Variants in WLS observed in about 807,000 individuals in gnomAD.
WLS encodes protein wntless homolog.
WLS carries 23 observed loss-of-function variants against 62.8 expected under a neutral mutation model. That is an observed-to-expected ratio of 0.37 (90% CI 0.26 to 0.52). The LOEUF (loss-of-function observed/expected upper bound fraction) is 0.52. Ranked by LOEUF, WLS falls within the 20% of genes least tolerant of loss-of-function variation. The pLI is 0.92. For missense variants in WLS, 615 were observed against 697.3 expected (o/e 0.88, Z 1.33); for synonymous variants, 246 against 244.1 (o/e 1.01, Z -0.07).
intron 2 of WLS, among the ~76,000 whole-genome samples, chr1:68,176,852 G>A (rs1282239522): frequency 6.6e-6 from 1 of 152,192 alleles, no homozygotes; most frequent in Non-Finnish European, 1.5e-5. Context: ...GGACAGTAGA[G>A]ATTTAACCTT....
intron 1 of WLS, among the ~76,000 whole-genome samples, chr1:68,199,341 G>A (rs879751207): frequency 3.9e-5 from 6 of 152,086 alleles, no homozygotes; most frequent in Admixed American, 2.0e-4. Context: ...CACCCTGATT[G>A]GAAATTTCTT....
chr1:68,170,347 T>C (rs1647133524), intron 2 of WLS, among the ~76,000 whole-genome samples: 2 of 151,892 alleles, frequency 1.3e-5, no homozygotes, highest in Non-Finnish European at 1.5e-5. Context: ...TTTGTATTTT[T>C]AGTAGAGACG....
At position 68,137,811 on chromosome 1, in the gene WLS, G is replaced by A. The variant is rs139409633; in HGVS notation, c.1485C>T (p.Ser495=). The A allele has an allele frequency of 1.9e-6, 3 of 1,613,738 alleles. No homozygotes were observed. The African/African-American group carries it at 4.0e-5, about 22-fold the overall frequency. The part of the protein sequence containing the change: ...VFALMFLYAP[S]HKNYGEDQSN... ...ACTGGTCTTCTCCATAGTTTTTATG[G>A]GATGGTGCATACAAGAACATCAGAG... is the stretch of plus-strand genomic sequence containing the variant. Residue 495 remains serine, a synonymous_variant, in exon 11 of 12, where the codon TCC becomes TCT. Transcript: ENST00000262348.
At chr1:68,210,453 G>A (rs1309871933) in intron 1 of WLS, among the ~76,000 whole-genome samples, 1 of 152,198 alleles carries the variant, frequency 6.6e-6, no homozygotes, top group Non-Finnish European at 1.5e-5. Context: ...TGCAGTCATG[G>A]AAGCCAGTTT....
chr1:68,151,544 A>G (rs1037561926), intron 5 of WLS, among the ~76,000 whole-genome samples: 3 of 152,206 alleles, frequency 2.0e-5, no homozygotes, highest in Admixed American at 2.0e-4. Flanking sequence ...TGATGCTTGC[A>G]TAGAGATGGA....
At chr1:68,170,502 A>G (rs1226771615) in intron 2 of WLS, among the ~76,000 whole-genome samples, 1 of 152,058 alleles carries the variant, frequency 6.6e-6, no homozygotes, top group African/African-American at 2.4e-5. Context: ...ACTCAAGGTT[A>G]TCTACACCTG....
intron 11 of WLS, among the ~76,000 whole-genome samples, chr1:68,105,419 T>C (rs190698616): frequency 6.6e-6 from 1 of 152,108 alleles, no homozygotes; most frequent in East Asian, 1.9e-4. Flanking sequence ...TCACTCTTAA[T>C]GGAAAGTCTA....
At chr1:68,194,467 A>C (rs1371969194) in intron 1 of WLS, among the ~76,000 whole-genome samples, 2 of 152,204 alleles carry the variant, frequency 1.3e-5, no homozygotes, top group African/African-American at 4.8e-5. Flanking sequence ...GAAAGAATAC[A>C]TTTGTAACCA....
chr1:68,152,200 T>C (rs1241623719), intron 5 of WLS, among the ~76,000 whole-genome samples: 2 of 152,186 alleles, frequency 1.3e-5, no homozygotes, highest in East Asian at 3.8e-4. Context: ...CATGTGACAT[T>C]TTCAATGCAA....
At chr1:68,216,189 A>G (rs960419542) in intron 1 of WLS, among the ~76,000 whole-genome samples, 3 of 152,224 alleles carry the variant, frequency 2.0e-5, no homozygotes, top group African/African-American at 7.2e-5. Flanking sequence ...TTGTTCTTCA[A>G]CTTGTCATAA....
chr1:68,150,447 A>T, intron 5 of WLS, 91 bp from the exon 6 acceptor site: 2 of 1,526,640 alleles, frequency 1.3e-6, no homozygotes, highest in South Asian at 1.2e-5. Context: ...GAGACATGAG[A>T]TGTTACTTAT....
chr1:68,152,458 AAAG>A (rs1272848624), intron 5 of WLS, among the ~76,000 whole-genome samples: 2 of 152,266 alleles, frequency 1.3e-5, no homozygotes, highest in Non-Finnish European at 2.9e-5. Flanking sequence ...GCTGGTCAGC[AAAG>A]AAGAATGACC....
chr1:68,198,912 T>C (rs1464999230), intron 1 of WLS, among the ~76,000 whole-genome samples: 1 of 152,190 alleles, frequency 6.6e-6, no homozygotes, highest in Non-Finnish European at 1.5e-5. Context: ...AGAATATTCA[T>C]TGACTCCAGT....
chr1:68,119,725 C>A (rs1646340919), intron 11 of WLS, among the ~76,000 whole-genome samples: 1 of 152,244 alleles, frequency 6.6e-6, no homozygotes, highest in South Asian at 2.1e-4. Flanking sequence ...CAGCTACTTG[C>A]ACACAAATCC....
intron 2 of WLS, chr1:68,162,165 C>T: frequency 5.5e-6 from 8 of 1,458,766 alleles, no homozygotes; most frequent in South Asian, 1.1e-5. Flanking sequence ...CATCTTTCAA[C>T]GGACCCTGAG....
At chr1:68,116,586 TAAAG>T (rs1384725943) in intron 11 of WLS, among the ~76,000 whole-genome samples, 1 of 152,134 alleles carries the variant, frequency 6.6e-6, no homozygotes, top group Non-Finnish European at 1.5e-5. Context: ...ATTTAAGGAT[TAAAG>T]AAGTTGATAA....
At chr1:68,131,083 TG>T (rs1646513925) in intron 11 of WLS, among the ~76,000 whole-genome samples, 1 of 112,052 alleles carries the variant, frequency 8.9e-6, no homozygotes, top group South Asian at 3.1e-4. Flanking sequence ...TGTGTGTGTG[TG>T]TGTTTTTAAG....
intron 1 of WLS, among the ~76,000 whole-genome samples, chr1:68,199,368 A>C (rs1648867450): frequency 6.6e-6 from 1 of 152,182 alleles, no homozygotes; most frequent in Admixed American, 6.5e-5. Context: ...AGGTTTGCAC[A>C]GGATGCTCCA....
intron 11 of WLS, among the ~76,000 whole-genome samples, chr1:68,110,656 T>C (rs1447549785): frequency 3.9e-5 from 1 of 25,416 alleles, no homozygotes; most frequent in African/African-American, 8.5e-5. Flanking sequence ...CAAAAATCTC[T>C]GTCTCTCTCT....
Sources: allele counts gnomAD v4.1 joint callset (sites outside exome capture counted in the v4.1 genomes callset), GRCh38; gene constraint gnomAD v4.1.1; transcripts MANE v1.5; gene names NCBI Gene and HGNC (gene_info 2026-07-23, HGNC 2026-07-21).